The following SVOPL variants were observed in gnomAD, a reference collection of about 807,000 sequenced individuals.
SVOPL encodes the protein SVOP like, also known as putative transporter SVOPL.
In SVOPL, 60 loss-of-function variants were observed where a neutral mutation model predicts 61.0. That is an observed-to-expected ratio of 0.98 (90% CI 0.80 to 1.22). The LOEUF is 1.22. Among genes scored for constraint, SVOPL ranks in the 50% most tolerant of loss-of-function variants. SVOPL has a pLI of 0.00. For synonymous variants in SVOPL, 279 were observed against 250.0 expected (o/e 1.12, Z -1.09); for missense variants, 662 against 643.9 (o/e 1.03, Z -0.30).
rs1358437011 is a variant in SVOPL, at chr7:138,668,933, T to A, written c.273+3086A>T. ...ATCAGTCTACCTACCTCCCAGACAC[T>A]CTCTTTAGTGAGGATTTTGAGCACC... On this transcript the variant is annotated intron_variant, in intron 4 of 15. Coordinates refer to ENST00000674285, the MANE Select transcript of SVOPL (RefSeq NM_001139456.2). Among the ~76,000 whole-genome samples, 3 of 152,262 alleles carry A rather than the reference T, an allele frequency of 2.0e-5. No homozygotes were observed. The East Asian group carries it at 5.8e-4, about 29-fold the overall frequency.
At chr7:138,676,824 C>T (rs558574794) in intron 3 of SVOPL, among the ~76,000 whole-genome samples, 2 of 151,776 alleles carry the variant, frequency 1.3e-5, no homozygotes, top group South Asian at 4.2e-4. Flanking sequence ...GACACAAATG[C>T]TCACTTGCTT....
intron 5 of SVOPL, chr7:138,660,359 G>A (rs1315426131): frequency 2.0e-6 from 2 of 994,462 alleles, no homozygotes; most frequent in African/African-American, 3.5e-5. Flanking sequence ...TAAGGTATTT[G>A]CTTTTTCTTT....
chr7:138,606,428 G>A (rs899313334), intron 14 of SVOPL, among the ~76,000 whole-genome samples: 1 of 152,084 alleles, frequency 6.6e-6, no homozygotes, highest in African/African-American at 2.4e-5. Flanking sequence ...TCCCTTATCT[G>A]CGTAGTTACT....
At chr7:138,619,033 C>T (rs1334493842) in intron 14 of SVOPL, among the ~76,000 whole-genome samples, 1 of 152,140 alleles carries the variant, frequency 6.6e-6, no homozygotes, top group Non-Finnish European at 1.5e-5. Context: ...GAAAATGTTC[C>T]AGGTGGTCAA....
At chr7:138,701,009 T>C (rs1045042532) in intron 1 of SVOPL, among the ~76,000 whole-genome samples, 169 bp downstream of exon 1, 3 of 151,616 alleles carry the variant, frequency 2.0e-5, no homozygotes, top group Non-Finnish European at 4.4e-5. Flanking sequence ...AGATCTTTTT[T>C]AAACTGAGTT....
At chr7:138,690,598 A>G (rs974431484) in intron 1 of SVOPL, among the ~76,000 whole-genome samples, 4 of 152,212 alleles carry the variant, frequency 2.6e-5, no homozygotes, top group African/African-American at 9.7e-5. Context: ...GAAAATTCAC[A>G]GAGACAGAAA....
chr7:138,598,281 A>C (rs1798364562), intron 14 of SVOPL, among the ~76,000 whole-genome samples: 1 of 152,226 alleles, frequency 6.6e-6, no homozygotes, highest in African/African-American at 2.4e-5. Context: ...TCCACCAAGA[A>C]GACGTAGCTA....
intron 13 of SVOPL, among the ~76,000 whole-genome samples, chr7:138,623,076 C>G (rs1239299203): frequency 3.3e-5 from 5 of 152,206 alleles, no homozygotes; most frequent in Non-Finnish European, 7.3e-5. Context: ...TTCCGCCTCA[C>G]AGGACACTGC....
intron 5 of SVOPL, chr7:138,662,159 T>A (rs1802029856): frequency 3.0e-6 from 3 of 985,368 alleles, no homozygotes; most frequent in Non-Finnish European, 3.6e-6. Flanking sequence ...TTCAGGCAAA[T>A]GGCTCTGCAG....
At chr7:138,686,819 C>T (rs1484526976) in intron 1 of SVOPL, among the ~76,000 whole-genome samples, 1 of 152,142 alleles carries the variant, frequency 6.6e-6, no homozygotes, top group African/African-American at 2.4e-5. Flanking sequence ...CTGCCTTGGC[C>T]TCCCAAAGTG....
At chr7:138,617,474 G>C (rs1313688631) in intron 14 of SVOPL, among the ~76,000 whole-genome samples, 1 of 152,220 alleles carries the variant, frequency 6.6e-6, no homozygotes, top group Non-Finnish European at 1.5e-5. Flanking sequence ...TCATCTCCCA[G>C]TCCTCCCTAT....
chr7:138,625,978 G>A lies in SVOPL; in HGVS notation c.1254C>T (p.Tyr418=), dbSNP rs1271685369. Residue 418 remains tyrosine (Y), a synonymous_variant, in exon 13 of 16, where the codon TAC becomes TAT. Coordinates refer to ENST00000674285, the MANE Select transcript of SVOPL (RefSeq NM_001139456.2). The part of the protein sequence containing the change: ...VAANFNTVYI[Y]TAEVYPTTMR... ...TTGCATGAAAACTCACCTCAGCTGT[G>A]TAAATGTAGACGGTGTTGAAGTTTG... is the stretch of plus-strand genomic sequence containing the variant. The A allele has an allele frequency of 1.9e-6, 3 of 1,613,970 alleles. No homozygotes were observed. Among genetic ancestry groups the A allele is most frequent in the Non-Finnish European group, 2.5e-6 (3 of 1,180,010 alleles).
intron 1 of SVOPL, among the ~76,000 whole-genome samples, chr7:138,696,206 T>C (rs1244959337): frequency 6.6e-6 from 1 of 152,100 alleles, no homozygotes; most frequent in African/African-American, 2.4e-5. Flanking sequence ...GTGCTCCCTA[T>C]GCCAGGCAGG....
At chr7:138,685,429 GT>G (rs1243012700) in intron 1 of SVOPL, among the ~76,000 whole-genome samples, 1 of 152,182 alleles carries the variant, frequency 6.6e-6, no homozygotes, top group Non-Finnish European at 1.5e-5. Flanking sequence ...GCCATTCTGA[GT>G]GGCTGAGGGG....
intron 8 of SVOPL, among the ~76,000 whole-genome samples, chr7:138,645,939 C>T (rs1376036715): frequency 1.3e-5 from 2 of 152,124 alleles, no homozygotes; most frequent in African/African-American, 2.4e-5. Flanking sequence ...CCTCAGCCTC[C>T]TGAGTAGTTG....
intron 4 of SVOPL, among the ~76,000 whole-genome samples, chr7:138,664,435 C>A (rs1412962933): frequency 6.7e-6 from 1 of 149,610 alleles, no homozygotes; most frequent in African/African-American, 2.5e-5. Context: ...TCTGGCACCC[C>A]GTATCCTCCA....
At chr7:138,669,269 G>A (rs566728153) in intron 4 of SVOPL, among the ~76,000 whole-genome samples, 1 of 152,260 alleles carries the variant, frequency 6.6e-6, no homozygotes, top group South Asian at 2.1e-4. Context: ...CTTCAAATTA[G>A]CCAGGTGTGG....
In SVOPL at chr7:138,596,403, C is replaced by T. The variant is rs758094362; in HGVS notation, c.1467+14G>A. 3 of 1,612,408 alleles carry T rather than the reference C, an allele frequency of 1.9e-6. No homozygotes were observed. The South Asian group carries it at 3.3e-5, about 18-fold the overall frequency. On this transcript the variant is annotated intron_variant, in intron 15 of 15. Coordinates refer to ENST00000674285, the MANE Select transcript of SVOPL (RefSeq NM_001139456.2). ...GGTAGTTGAAAAGACTTCAGAGTTC[C>T]CTGCATCACTCACCTGGAGGGCCCG...
At chr7:138,597,818 C>A (rs553155123) in intron 14 of SVOPL, among the ~76,000 whole-genome samples, 1 of 152,254 alleles carries the variant, frequency 6.6e-6, no homozygotes, top group Admixed American at 6.5e-5. Context: ...CACCAGAATT[C>A]TCGCCACCAC....
Sources: gnomAD v4.1 joint callset for allele counts (sites outside exome capture counted in the v4.1 genomes callset) on GRCh38, gnomAD v4.1.1 for gene constraint, MANE v1.5 for transcripts, NCBI Gene and HGNC (gene_info 2026-07-23, HGNC 2026-07-21) for gene names.